The following NFIL3 variants were observed in gnomAD, a reference collection of about 807,000 sequenced individuals.
NFIL3 encodes nuclear factor, interleukin 3 regulated, also known as nuclear factor interleukin-3-regulated protein.
NFIL3 carries 5 observed loss-of-function variants against 10.0 expected under a neutral mutation model. The observed-to-expected ratio is 0.50, with a 90% CI of 0.26 to 1.06. The LOEUF is 1.06. NFIL3 is among the 50% of genes least tolerant of loss of function. The pLI, the probability that NFIL3 is intolerant of heterozygous loss-of-function variation, is 0.13. For missense variants in NFIL3, 436 were observed against 547.6 expected, an observed-to-expected ratio of 0.80 and a Z score of 2.03; for synonymous variants, 202 against 206.5, an observed-to-expected ratio of 0.98 and a Z score of 0.19.
the NFIL3 span, among the ~76,000 whole-genome samples, chr9:91,443,961 A>G: frequency 6.6e-6 from 1 of 152,200 alleles, no homozygotes; most frequent in Non-Finnish European, 1.5e-5. Context: ...GAATCTAGAC[A>G]TTAATATCTT....
the NFIL3 span, among the ~76,000 whole-genome samples, chr9:91,477,953 CT>C: frequency 6.6e-6 from 1 of 152,044 alleles, no homozygotes; most frequent in Admixed American, 6.5e-5. Flanking sequence ...AAATTCTTTT[CT>C]TTAAGAATGT....
the NFIL3 span, among the ~76,000 whole-genome samples, chr9:91,473,558 T>C: frequency 5.3e-5 from 8 of 152,196 alleles, no homozygotes; most frequent in Non-Finnish European, 1.0e-4. Context: ...GCTAAGACAG[T>C]TGGAAAAGCA....
the NFIL3 span, among the ~76,000 whole-genome samples, chr9:91,433,298 A>G: frequency 6.6e-6 from 1 of 152,196 alleles, no homozygotes; most frequent in Non-Finnish European, 1.5e-5. Context: ...AATTGCTGAG[A>G]CTCATTATGT....
chr9:91,409,809 T>G lies in NFIL3; in HGVS notation c.926A>C (p.His309Pro). ...IHSPVELKHV[H>P]ATVVKVPEVN... ...TTCTGGAACTTTAACCACAGTTGCATGCACATGCTTGAGTTCAACTGGAGA... is the reference window on the plus strand; with the variant it reads ...TTCTGGAACTTTAACCACAGTTGCAGGCACATGCTTGAGTTCAACTGGAGA... Residue 309 changes from histidine to proline, a missense_variant, in exon 2 of 2, where the codon CAT (histidine) becomes CCT (proline). Coordinates refer to ENST00000297689, the MANE Select transcript of NFIL3 (RefSeq NM_005384.3). 1.2e-6 allele frequency: 2 copies of G among 1,614,162 alleles called. No homozygotes were observed. Among genetic ancestry groups the G allele is most frequent in the Non-Finnish European group, 1.7e-6 (2 of 1,180,032 alleles).
the NFIL3 span, among the ~76,000 whole-genome samples, chr9:91,454,348 A>G: frequency 6.6e-6 from 1 of 152,150 alleles, no homozygotes; most frequent in East Asian, 1.9e-4. Context: ...ATGGAAATCA[A>G]CTTTCTGGGA....
At chr9:91,464,018 T>C in the NFIL3 span, among the ~76,000 whole-genome samples, 1 of 152,120 alleles carries the variant, frequency 6.6e-6, no homozygotes, top group Non-Finnish European at 1.5e-5. Flanking sequence ...TCCTTTACTT[T>C]TAACATATTT....
At position 91,409,967 on chromosome 9, in the gene NFIL3, T is replaced by C. The variant is rs1041714020; in HGVS notation, c.768A>G (p.Ser256=). 6.2e-7 allele frequency: 1 copy of C among 1,613,504 alleles called. No individual in the cohort carries two copies. Among genetic ancestry groups the C allele is most frequent in the Non-Finnish European group, 8.5e-7 (1 of 1,180,018 alleles). ...TGACTTGCAGTAGTGGGGGAGAGTGTGAGTACCCAGAGAAAGAATTCCCCA... is the reference window on the plus strand; with the variant it reads ...TGACTTGCAGTAGTGGGGGAGAGTGCGAGTACCCAGAGAAAGAATTCCCCA... The part of the protein sequence containing the change: ...NYMGNSFSGY[S]HSPPLLQVNR... The change falls in exon 2 of 2, where the codon TCA becomes TCG. Residue 256 remains serine (S), a synonymous_variant. Coordinates refer to ENST00000297689, the MANE Select transcript of NFIL3 (RefSeq NM_005384.3).
At chr9:91,461,544 A>T in the NFIL3 span, among the ~76,000 whole-genome samples, 37 of 152,090 alleles carry the variant, frequency 2.4e-4, no homozygotes, top group East Asian at 4.3e-3. Context: ...TGTTGCCCAC[A>T]CTCCCTCCGG....
At chr9:91,480,580 A>G in the NFIL3 span, among the ~76,000 whole-genome samples, 1 of 152,086 alleles carries the variant, frequency 6.6e-6, no homozygotes, top group Non-Finnish European at 1.5e-5. Flanking sequence ...AACAACAAAG[A>G]CCTTAGAAAA....
chr9:91,481,197 A>G, the NFIL3 span, among the ~76,000 whole-genome samples: 1 of 152,236 alleles, frequency 6.6e-6, no homozygotes, highest in Non-Finnish European at 1.5e-5. Flanking sequence ...GTAAATCCTT[A>G]TAGACCTTAT....
At chr9:91,413,184 A>C (rs969091456) in intron 1 of NFIL3, among the ~76,000 whole-genome samples, 7 of 152,082 alleles carry the variant, frequency 4.6e-5, no homozygotes, top group Non-Finnish European at 1.5e-5. Context: ...GAAGGCAAGG[A>C]GTGTGTCACA....
At chr9:91,428,236 T>C (rs1207928528), upstream of NFIL3, among the ~76,000 whole-genome samples, 1 of 152,242 alleles carries the variant, frequency 6.6e-6, no homozygotes, top group Non-Finnish European at 1.5e-5. Flanking sequence ...TTTTTAAATT[T>C]AGTTATCTTG....
At chr9:91,423,514 G>T in intron 1 of NFIL3, 126 bp downstream of exon 1, 1 of 151,358 alleles carries the variant, frequency 6.6e-6, no homozygotes, top group South Asian at 1.9e-4. Flanking sequence ...CGCCGCCGCT[G>T]GCGAGCCCAG....
chr9:91,468,255 T>C, the NFIL3 span, among the ~76,000 whole-genome samples: 2 of 152,240 alleles, frequency 1.3e-5, no homozygotes, highest in Non-Finnish European at 2.9e-5. Flanking sequence ...GGTATCTCAT[T>C]GTGGTTTTGA....
the NFIL3 span, among the ~76,000 whole-genome samples, chr9:91,475,868 T>C: frequency 1.3e-5 from 2 of 152,228 alleles, no homozygotes; most frequent in Non-Finnish European, 2.9e-5. Flanking sequence ...GATAATAGCT[T>C]GCAAATGCAA....
At chr9:91,434,786 C>T in the NFIL3 span, among the ~76,000 whole-genome samples, 2 of 152,152 alleles carry the variant, frequency 1.3e-5, no homozygotes, top group Non-Finnish European at 2.9e-5. Context: ...ACCTAGACTT[C>T]ACCACTATAC....
In NFIL3 at chr9:91,419,493, C is replaced by G. The variant is rs1248510795; in HGVS notation, c.-173+4147G>C. On this transcript the variant is annotated intron_variant, in intron 1 of 1. Coordinates refer to ENST00000297689, the MANE Select transcript of NFIL3 (RefSeq NM_005384.3). ...ACAGTGATGTTATAACTGCACTGCA[C>G]AAAAATAAGTCTTTAACCCAGAAAA... 3.3e-5 allele frequency among the ~76,000 whole-genome samples: 5 copies of G among 152,294 alleles called. No homozygotes were observed. In the East Asian group the frequency reaches 9.6e-4, roughly 29 times the overall value.
chr9:91,468,606 C>T, the NFIL3 span, among the ~76,000 whole-genome samples: 137 of 152,232 alleles, frequency 9.0e-4, no homozygotes, highest in African/African-American at 3.0e-3. Context: ...TCATGAAGTC[C>T]TTGCCCATGC....
chr9:91,471,837 G>A, the NFIL3 span, among the ~76,000 whole-genome samples: 1 of 152,158 alleles, frequency 6.6e-6, no homozygotes, highest in Non-Finnish European at 1.5e-5. Flanking sequence ...TGCAGTGGCT[G>A]GTACCAGTTG....
Sources: allele counts gnomAD v4.1 joint callset (sites outside exome capture counted in the v4.1 genomes callset), GRCh38; gene constraint gnomAD v4.1.1; transcripts MANE v1.5; gene names NCBI Gene and HGNC (gene_info 2026-07-23, HGNC 2026-07-21).